Variants in CSMD1 observed in about 807,000 individuals in gnomAD.
CSMD1 encodes CUB and sushi domain-containing protein 1.
In CSMD1, 213 loss-of-function variants were observed where a neutral mutation model predicts 417.5. The observed-to-expected ratio is 0.51, with a 90% confidence interval of 0.46 to 0.57. The LOEUF (loss-of-function observed/expected upper bound fraction) is 0.57. CSMD1 is among the 20% of genes least tolerant of loss of function. The pLI, the probability that CSMD1 is intolerant of heterozygous loss-of-function variation, is 0.00. For synonymous variants in CSMD1, 2,862 were observed against 1,736.8 expected (o/e 1.65, Z -16.11); for missense variants, 6,923 against 4,529.7 (o/e 1.53, Z -15.17).
At chr8:4,450,247 C>G (rs921526861) in intron 2 of CSMD1, among the ~76,000 whole-genome samples, 3 of 152,166 alleles carry the variant, frequency 2.0e-5, no homozygotes, top group South Asian at 2.1e-4. Flanking sequence ...AGCAAAGAGA[C>G]AGTGTCTGAT....
chr8:3,620,039 T>A (rs1369787070), intron 7 of CSMD1, among the ~76,000 whole-genome samples: 1 of 152,106 alleles, frequency 6.6e-6, no homozygotes, highest in Non-Finnish European at 1.5e-5. Flanking sequence ...GAGGCAGATG[T>A]TGCAGTGAGC....
At chr8:4,480,549 G>A (rs150304145) in intron 2 of CSMD1, among the ~76,000 whole-genome samples, 25 of 152,320 alleles carry the variant, frequency 1.6e-4, no homozygotes, top group Admixed American at 8.5e-4. Flanking sequence ...CATGCGTCAA[G>A]CGGAGGTCCT....
intron 23 of CSMD1, among the ~76,000 whole-genome samples, chr8:3,328,022 G>C (rs144367281): frequency 6.6e-6 from 1 of 152,126 alleles, no homozygotes; most frequent in African/African-American, 2.4e-5. Flanking sequence ...TCGGGTTCCA[G>C]TTTCCAGAAA....
chr8:4,355,333 ACACACG>A (rs1490849728), intron 3 of CSMD1, among the ~76,000 whole-genome samples: 3 of 151,666 alleles, frequency 2.0e-5, no homozygotes, highest in African/African-American at 7.3e-5. Flanking sequence ...ACGCACACAC[ACACACG>A]TATATATGAT....
chr8:4,068,704 G>C (rs911655224), intron 3 of CSMD1, among the ~76,000 whole-genome samples: 5 of 152,138 alleles, frequency 3.3e-5, no homozygotes, highest in South Asian at 2.1e-4. Flanking sequence ...AAGATATCTA[G>C]TGGGGAAAAA....
chr8:3,465,406 C>T (rs60978152), intron 12 of CSMD1, among the ~76,000 whole-genome samples: 3,277 of 152,170 alleles, frequency 0.022, 111 homozygotes, highest in African/African-American at 0.072. Context: ...CCTACGAGCC[C>T]GGGAATGATG....
intron 5 of CSMD1, among the ~76,000 whole-genome samples, chr8:3,797,600 G>A (rs144656263): frequency 0.015 from 2,216 of 151,932 alleles, 52 homozygotes; most frequent in African/African-American, 0.049. Flanking sequence ...TTATGTTTCA[G>A]CAAGTCACAC....
At chr8:4,164,898 T>A (rs946588435) in intron 3 of CSMD1, among the ~76,000 whole-genome samples, 1 of 150,950 alleles carries the variant, frequency 6.6e-6, no homozygotes, top group Non-Finnish European at 1.5e-5. Flanking sequence ...AAAATATATA[T>A]ATATGTATAT....
At chr8:4,361,804 A>T (rs893855500) in intron 3 of CSMD1, among the ~76,000 whole-genome samples, 2 of 152,102 alleles carry the variant, frequency 1.3e-5, no homozygotes, top group Non-Finnish European at 2.9e-5. Context: ...AAATACAAAA[A>T]ACTAGCCAGG....
At chr8:3,339,571 G>T (rs1205475507) in intron 23 of CSMD1, among the ~76,000 whole-genome samples, 1 of 152,150 alleles carries the variant, frequency 6.6e-6, no homozygotes, top group Non-Finnish European at 1.5e-5. Flanking sequence ...GACGAAGCTG[G>T]TCCATGTACC....
chr8:3,511,745 G>C (rs919224649), intron 10 of CSMD1, among the ~76,000 whole-genome samples: 1 of 130,118 alleles, frequency 7.7e-6, no homozygotes, highest in Admixed American at 7.8e-5. Flanking sequence ...GACAGAGTGA[G>C]ACTCCATCTC....
At chr8:4,783,280 C>T (rs568908557) in intron 1 of CSMD1, among the ~76,000 whole-genome samples, 2 of 152,264 alleles carry the variant, frequency 1.3e-5, no homozygotes, top group African/African-American at 4.8e-5. Flanking sequence ...GTGAATAATA[C>T]ACTCAAAACC....
At chr8:4,011,758 G>A (rs138998697) in intron 4 of CSMD1, among the ~76,000 whole-genome samples, 113 of 152,078 alleles carry the variant, frequency 7.4e-4, no homozygotes, top group African/African-American at 2.5e-3. Flanking sequence ...TCTCCCAGTG[G>A]TTACATCTTA....
intron 8 of CSMD1, among the ~76,000 whole-genome samples, chr8:3,595,348 T>G (rs975024397): frequency 5.3e-5 from 8 of 152,220 alleles, no homozygotes; most frequent in Admixed American, 6.5e-5. Context: ...TTGAAATGCC[T>G]TTTATTACCC....
chr8:4,798,360 C>T (rs2028230), intron 1 of CSMD1, among the ~76,000 whole-genome samples: 41,119 of 152,004 alleles, frequency 0.27, 5,883 homozygotes, highest in Non-Finnish European at 0.32. Context: ...TTTATGGCTG[C>T]ATAGTATTCC....
At position 3,848,927 on chromosome 8, in the gene CSMD1, CAT is replaced by C. The variant is rs893704200; in HGVS notation, c.819-94887_819-94886del. 4.7e-5 allele frequency among the ~76,000 whole-genome samples: 7 copies of C among 149,918 alleles called. No individual in the cohort carries two copies. In the East Asian group the frequency reaches 5.8e-4, roughly 13 times the overall value. Reference sequence around the variant, plus strand: ...ATATCTAGATATCATATACATATATCATATATATATGATATATATATGTATAT... The same window carrying C: ...ATATCTAGATATCATATACATATATCATATATATGATATATATATGTATAT... On this transcript the variant is annotated intron_variant, in intron 5 of 69. Coordinates refer to ENST00000635120, the MANE Select transcript of CSMD1 (RefSeq NM_033225.6).
At chr8:4,270,720 A>G (rs1804532404) in intron 3 of CSMD1, among the ~76,000 whole-genome samples, 1 of 152,160 alleles carries the variant, frequency 6.6e-6, no homozygotes, top group Non-Finnish European at 1.5e-5. Flanking sequence ...TTGTAATGTG[A>G]AAATAGAAAT....
At chr8:3,110,796 A>G (rs915460026) in intron 42 of CSMD1, among the ~76,000 whole-genome samples, 3 of 152,240 alleles carry the variant, frequency 2.0e-5, no homozygotes, top group African/African-American at 7.2e-5. Flanking sequence ...GACATTATCA[A>G]TTCTTTACAG....
chr8:4,365,015 G>A (rs1197614881), intron 3 of CSMD1, among the ~76,000 whole-genome samples: 4 of 152,200 alleles, frequency 2.6e-5, no homozygotes, highest in Middle Eastern at 3.4e-3. Flanking sequence ...GAACTCAGAT[G>A]ATATTTTATG....
Sources: allele counts gnomAD v4.1 joint callset (sites outside exome capture counted in the v4.1 genomes callset), GRCh38; gene constraint gnomAD v4.1.1; transcripts MANE v1.5; gene names NCBI Gene and HGNC (gene_info 2026-07-23, HGNC 2026-07-21).